Variants in TCERG1L observed in about 807,000 individuals in gnomAD.
TCERG1L encodes the protein transcription elongation regulator 1 like, also known as transcription elongation regulator 1-like protein.
A neutral mutation model predicts 56.3 loss-of-function variants in TCERG1L; 37 were observed. The observed-to-expected ratio is 0.66, with a 90% CI of 0.51 to 0.87. The LOEUF is 0.87. Among genes scored for constraint, TCERG1L ranks in the 40% least tolerant of loss-of-function variants. The pLI is 0.00. For synonymous variants in TCERG1L, 324 were observed against 326.3 expected (o/e 0.99, Z 0.08); for missense variants, 799 against 774.2 (o/e 1.03, Z -0.38).
At chr10:131,094,805 C>T (rs1343420190) in intron 11 of TCERG1L, among the ~76,000 whole-genome samples, 2 of 152,170 alleles carry the variant, frequency 1.3e-5, no homozygotes, top group African/African-American at 2.4e-5. Flanking sequence ...CCCCGACCTG[C>T]GGGGGATGAG....
chr10:131,169,652 C>T (rs775638980), intron 4 of TCERG1L, among the ~76,000 whole-genome samples: 4 of 152,118 alleles, frequency 2.6e-5, no homozygotes, highest in Non-Finnish European at 5.9e-5. Flanking sequence ...GGGTCGTGCA[C>T]GGAAAGCTGA....
intron 3 of TCERG1L, among the ~76,000 whole-genome samples, chr10:131,266,237 C>T (rs563713737): frequency 1.3e-5 from 2 of 152,366 alleles, no homozygotes; most frequent in Admixed American, 1.3e-4. Flanking sequence ...AGTTCTCTTG[C>T]TGTTTCCACC....
chr10:131,234,888 G>A (rs1371055275), intron 4 of TCERG1L, among the ~76,000 whole-genome samples: 1 of 152,166 alleles, frequency 6.6e-6, no homozygotes, highest in East Asian at 1.9e-4. Flanking sequence ...ATTTTTAGTA[G>A]AGAAAGGGTT....
chr10:131,298,066 C>A (rs925811199), intron 3 of TCERG1L, among the ~76,000 whole-genome samples: 1 of 149,798 alleles, frequency 6.7e-6, no homozygotes, highest in Non-Finnish European at 1.5e-5. Context: ...CTGCTGTTAT[C>A]TTTACTATAT....
chr10:131,201,642 T>G (rs1170687588), intron 4 of TCERG1L, among the ~76,000 whole-genome samples: 1 of 152,228 alleles, frequency 6.6e-6, no homozygotes, highest in Non-Finnish European at 1.5e-5. Flanking sequence ...CTGCCAAATA[T>G]TTCTACAAAA....
intron 8 of TCERG1L, among the ~76,000 whole-genome samples, chr10:131,117,897 G>C (rs1369168357): frequency 6.6e-6 from 1 of 152,222 alleles, no homozygotes; most frequent in Non-Finnish European, 1.5e-5. Flanking sequence ...GAATGTGTCT[G>C]GCCAAATGCA....
intron 3 of TCERG1L, among the ~76,000 whole-genome samples, chr10:131,279,515 G>A (rs912060278): frequency 1.3e-5 from 2 of 152,184 alleles, no homozygotes; most frequent in Non-Finnish European, 2.9e-5. Context: ...GCCTCATCAA[G>A]AGCCAAGTGA....
intron 7 of TCERG1L, among the ~76,000 whole-genome samples, chr10:131,141,077 G>A (rs563869430): frequency 5.9e-5 from 9 of 152,312 alleles, no homozygotes; most frequent in African/African-American, 1.9e-4. Context: ...ATAGGAGATG[G>A]ACCTGACACG....
At chr10:131,144,356 A>G (rs1453524455) in intron 7 of TCERG1L, among the ~76,000 whole-genome samples, 1 of 152,156 alleles carries the variant, frequency 6.6e-6, no homozygotes, top group African/African-American at 2.4e-5. Context: ...GCCGCGACGA[A>G]CGATCGGCCA....
intron 4 of TCERG1L, among the ~76,000 whole-genome samples, chr10:131,249,887 T>A (rs756674002): frequency 9.9e-5 from 15 of 152,138 alleles, no homozygotes; most frequent in Non-Finnish European, 1.8e-4. Context: ...AAAGCAGCAC[T>A]CTCTGCTTGT....
intron 6 of TCERG1L, among the ~76,000 whole-genome samples, chr10:131,153,149 C>T (rs1177354269): frequency 6.6e-6 from 1 of 152,158 alleles, no homozygotes; most frequent in East Asian, 1.9e-4. Flanking sequence ...GAGAGTCCCA[C>T]AGAAGCCTCC....
At chr10:131,294,640 C>T (rs1846668586) in intron 3 of TCERG1L, among the ~76,000 whole-genome samples, 1 of 152,202 alleles carries the variant, frequency 6.6e-6, no homozygotes, top group South Asian at 2.1e-4. Flanking sequence ...TTCCATGTTT[C>T]AGAAGACATC....
At position 131,172,991 on chromosome 10, in the gene TCERG1L, ATT is replaced by A. The variant is rs1005151852; in HGVS notation, c.857-6108_857-6107del. Among the ~76,000 whole-genome samples the A allele has an allele frequency of 2.9e-4, 44 of 151,094 alleles. 1 individual carries two copies. Among genetic ancestry groups the A allele is most frequent in the African/African-American group, 9.3e-4 (38 of 40,980 alleles). On this transcript the variant is annotated intron_variant, in intron 4 of 11. Coordinates refer to ENST00000368642, the MANE Select transcript of TCERG1L (RefSeq NM_174937.4). ...CTGCAACTTCTGCCTCCTGGGTTCA[ATT>A]GATTATCTTGCCTCGGCCTCCCGAG...
At chr10:131,262,680 G>A (rs914307011) in intron 3 of TCERG1L, among the ~76,000 whole-genome samples, 4 of 152,114 alleles carry the variant, frequency 2.6e-5, no homozygotes, top group African/African-American at 9.7e-5. Flanking sequence ...GTTCACTGGG[G>A]TTCACCCTTT....
At chr10:131,282,115 G>A (rs911315685) in intron 3 of TCERG1L, among the ~76,000 whole-genome samples, 1 of 137,744 alleles carries the variant, frequency 7.3e-6, no homozygotes, top group Non-Finnish European at 1.5e-5. Flanking sequence ...TGGCCTGGGC[G>A]AAAGAGCAAG....
chr10:131,232,568 T>C (rs1589756330), intron 4 of TCERG1L, among the ~76,000 whole-genome samples: 2 of 152,328 alleles, frequency 1.3e-5, no homozygotes, highest in East Asian at 1.9e-4. Context: ...GTAAGAGAGG[T>C]TGATGAATCT....
At chr10:131,166,975 G>A (rs1846038364) in intron 4 of TCERG1L, 90 bp from the exon 5 acceptor site, 2 of 1,155,932 alleles carry the variant, frequency 1.7e-6, no homozygotes, top group African/African-American at 3.1e-5. Context: ...TGGCCCTGAA[G>A]ATTAGAATTG....
chr10:131,296,836 T>A (rs945630422), intron 3 of TCERG1L, among the ~76,000 whole-genome samples: 4 of 152,258 alleles, frequency 2.6e-5, no homozygotes, highest in African/African-American at 4.8e-5. Flanking sequence ...AAGTACTTCA[T>A]GATTTTGGTG....
chr10:131,302,992 G>A (rs1846781378), intron 3 of TCERG1L, among the ~76,000 whole-genome samples: 1 of 151,998 alleles, frequency 6.6e-6, no homozygotes, highest in Admixed American at 6.6e-5. Flanking sequence ...ATTCCACGGT[G>A]TATATGTGCC....
Sources: allele counts gnomAD v4.1 joint callset (sites outside exome capture counted in the v4.1 genomes callset), GRCh38; gene constraint gnomAD v4.1.1; transcripts MANE v1.5; gene names NCBI Gene and HGNC (gene_info 2026-07-23, HGNC 2026-07-21).